GALNTL6: variants seen among roughly 807,000 people sequenced by gnomAD.
GALNTL6 encodes polypeptide N-acetylgalactosaminyltransferase like 6.
A neutral mutation model predicts 73.7 loss-of-function variants in GALNTL6; 46 were observed. The observed-to-expected ratio is 0.62, with a 90% CI of 0.49 to 0.80. GALNTL6 has a LOEUF of 0.80. Ranked by LOEUF, GALNTL6 falls within the 30% of genes least tolerant of loss-of-function variation. GALNTL6 has a pLI of 0.00. For synonymous variants in GALNTL6, 259 were observed against 263.7 expected, an observed-to-expected ratio of 0.98 and a Z score of 0.17; for missense variants, 604 against 755.0, an observed-to-expected ratio of 0.80 and a Z score of 2.34.
intron 5 of GALNTL6, among the ~76,000 whole-genome samples, chr4:172,740,841 A>G (rs1010801471): frequency 3.3e-5 from 5 of 152,138 alleles, no homozygotes; most frequent in African/African-American, 1.2e-4. Context: ...AGCTTCATTC[A>G]GGTGTGAGTT....
rs115363005 is a variant in GALNTL6, at chr4:172,896,909, T to C, written c.1041+14002T>C. On this transcript the variant is annotated intron_variant, in intron 8 of 12. Coordinates refer to ENST00000506823, the MANE Select transcript of GALNTL6 (RefSeq NM_001034845.3). ...ATCTGCTGTGGGACAGTGGCTAGCA[T>C]GCCTGTCAAAATGGCTCAGATGGGC... Among the ~76,000 whole-genome samples, 924 of 151,162 alleles carry C rather than the reference T, an allele frequency of 6.1e-3. 7 individuals carry two copies. Among genetic ancestry groups the C allele is most frequent in the African/African-American group, 0.021 (867 of 41,182 alleles).
intron 5 of GALNTL6, among the ~76,000 whole-genome samples, chr4:172,631,809 A>C (rs1478504803): frequency 6.6e-6 from 1 of 152,234 alleles, no homozygotes; most frequent in Admixed American, 6.5e-5. Flanking sequence ...AAAGAAGTAC[A>C]TCTTTAATAA....
At chr4:171,958,398 G>A (rs756610323) in intron 2 of GALNTL6, among the ~76,000 whole-genome samples, 4 of 152,152 alleles carry the variant, frequency 2.6e-5, no homozygotes, top group South Asian at 2.1e-4. Context: ...CAGGGTGGAC[G>A]GAATATGCAT....
At chr4:172,743,620 T>G (rs1329637829) in intron 5 of GALNTL6, among the ~76,000 whole-genome samples, 1 of 152,022 alleles carries the variant, frequency 6.6e-6, no homozygotes, top group African/African-American at 2.4e-5. Flanking sequence ...ATCAAAAAAA[T>G]TATCATGATG....
chr4:172,544,041 G>C (rs1236491460), intron 5 of GALNTL6, among the ~76,000 whole-genome samples: 2 of 152,202 alleles, frequency 1.3e-5, no homozygotes. Flanking sequence ...GGTGGAGCCA[G>C]GAGTTCAACT....
At chr4:172,306,552 G>C (rs575140018) in intron 3 of GALNTL6, among the ~76,000 whole-genome samples, 2 of 152,246 alleles carry the variant, frequency 1.3e-5, no homozygotes, top group East Asian at 3.9e-4. Flanking sequence ...TCTGAGATTT[G>C]GGTGTACCCA....
intron 5 of GALNTL6, among the ~76,000 whole-genome samples, chr4:172,435,870 C>G (rs921356471): frequency 6.6e-6 from 1 of 152,034 alleles, no homozygotes; most frequent in Non-Finnish European, 1.5e-5. Context: ...GGGGTATTAT[C>G]TGTAAAAGTA....
chr4:172,817,229 G>A (rs919274114), intron 7 of GALNTL6, among the ~76,000 whole-genome samples: 28 of 151,536 alleles, frequency 1.8e-4, no homozygotes, highest in African/African-American at 6.8e-4. Context: ...AGTTTGAGAC[G>A]AGCCTGGGCA....
At chr4:172,770,552 A>C (rs1394714972) in intron 5 of GALNTL6, among the ~76,000 whole-genome samples, 27 of 152,174 alleles carry the variant, frequency 1.8e-4, no homozygotes, top group Admixed American at 1.7e-3. Context: ...ACACAAACAA[A>C]TAATTGGTGC....
intron 2 of GALNTL6, among the ~76,000 whole-genome samples, chr4:172,022,880 T>A (rs767806434): frequency 5.3e-5 from 8 of 152,014 alleles, no homozygotes; most frequent in African/African-American, 7.2e-5. Context: ...AGCCACCCCA[T>A]TTCCCTGTTT....
At chr4:172,478,712 TAGAC>T (rs1733331119) in intron 5 of GALNTL6, among the ~76,000 whole-genome samples, 1 of 151,966 alleles carries the variant, frequency 6.6e-6, no homozygotes, top group Non-Finnish European at 1.5e-5. Context: ...ACAGAGTAAA[TAGAC>T]AATGTACAGA....
intron 2 of GALNTL6, among the ~76,000 whole-genome samples, chr4:172,172,956 G>A (rs1347746240): frequency 6.6e-6 from 1 of 152,208 alleles, no homozygotes; most frequent in Admixed American, 6.5e-5. Flanking sequence ...GAGGTGAAGT[G>A]TTAACGGGAG....
intron 5 of GALNTL6, among the ~76,000 whole-genome samples, chr4:172,563,861 C>T (rs1736467677): frequency 6.6e-6 from 1 of 152,116 alleles, no homozygotes; most frequent in South Asian, 2.1e-4. Flanking sequence ...ATTTCTTAAA[C>T]ATTTAATGCT....
intron 8 of GALNTL6, among the ~76,000 whole-genome samples, chr4:172,915,317 C>T (rs1747443934): frequency 6.6e-6 from 1 of 152,072 alleles, no homozygotes; most frequent in Non-Finnish European, 1.5e-5. Context: ...AATCAACACC[C>T]TAACATCACA....
intron 12 of GALNTL6, among the ~76,000 whole-genome samples, chr4:173,023,843 T>C (rs1319177292): frequency 6.6e-6 from 1 of 152,206 alleles, no homozygotes; most frequent in Non-Finnish European, 1.5e-5. Context: ...ACTATTTTGC[T>C]ATTCAACATG....
chr4:172,954,756 C>T (rs1749629949), intron 10 of GALNTL6, among the ~76,000 whole-genome samples: 1 of 152,180 alleles, frequency 6.6e-6, no homozygotes, highest in South Asian at 2.1e-4. Flanking sequence ...GCATGAGCCA[C>T]CACACCCGGC....
chr4:172,790,787 A>T (rs1171366959), intron 5 of GALNTL6, among the ~76,000 whole-genome samples: 1 of 151,448 alleles, frequency 6.6e-6, no homozygotes, highest in Non-Finnish European at 1.5e-5. Flanking sequence ...CCAGCTACTC[A>T]GAGGCTGAGG....
At chr4:172,390,740 G>A (rs1458389433) in intron 5 of GALNTL6, among the ~76,000 whole-genome samples, 5 of 152,102 alleles carry the variant, frequency 3.3e-5, no homozygotes, top group East Asian at 1.9e-4. Context: ...TAAGTATGAC[G>A]TAAAATGCGA....
intron 2 of GALNTL6, among the ~76,000 whole-genome samples, chr4:172,108,886 G>A (rs182175563): frequency 4.6e-5 from 7 of 151,612 alleles, no homozygotes; most frequent in East Asian, 3.9e-4. Flanking sequence ...GGTAGCGTGC[G>A]CCCATATTCC....
Sources: gnomAD v4.1 joint callset for allele counts (sites outside exome capture counted in the v4.1 genomes callset) on GRCh38, gnomAD v4.1.1 for gene constraint, MANE v1.5 for transcripts, NCBI Gene and HGNC (gene_info 2026-07-23, HGNC 2026-07-21) for gene names.